Variants in NOTCH2 observed in about 807,000 individuals in gnomAD.
NOTCH2 encodes neurogenic locus notch homolog protein 2.
In NOTCH2, 29 loss-of-function variants were observed where a neutral mutation model predicts 235.8. That is an observed-to-expected ratio of 0.12 (90% confidence interval 0.09 to 0.17). The LOEUF (loss-of-function observed/expected upper bound fraction) is 0.17, where lower values mean the gene tolerates loss of function less well. Ranked by LOEUF, NOTCH2 falls within the 10% of genes least tolerant of loss-of-function variation. The probability of loss-of-function intolerance (pLI) is 1.00; values close to 1 mark genes in which losing one functional copy is unlikely to be tolerated. For synonymous variants in NOTCH2, 1,086 were observed against 1,141.5 expected, an observed-to-expected ratio of 0.95 and a Z score of 0.98; for missense variants, 2,285 against 3,150.2, an observed-to-expected ratio of 0.73 and a Z score of 6.57.
chr1:119,920,465 C>T (rs1649245249), intron 29 of NOTCH2, 68 bp from the exon 30 acceptor site: 8 of 1,540,272 alleles, frequency 5.2e-6, no homozygotes, highest in Admixed American at 3.3e-5. Context: ...AGAAGGTGTC[C>T]AGAGCCTCCA....
At chr1:119,953,470 A>C (rs1382210348) in intron 14 of NOTCH2, 73 bp downstream of exon 14, 15 of 1,493,568 alleles carry the variant, frequency 1.0e-5, no homozygotes, top group Non-Finnish European at 1.3e-5. Flanking sequence ...AAGGAAACTA[A>C]GAAGTGAGTC....
intron 1 of NOTCH2, among the ~76,000 whole-genome samples, chr1:120,038,221 T>C (rs1339771720): frequency 2.6e-5 from 4 of 152,184 alleles, no homozygotes; most frequent in African/African-American, 9.7e-5. Context: ...CTCTTCTACA[T>C]GAAATATAAG....
chr1:120,009,763 CTCTG>C (rs1424105354), intron 2 of NOTCH2, among the ~76,000 whole-genome samples: 8 of 149,688 alleles, frequency 5.3e-5, no homozygotes, highest in African/African-American at 2.0e-4. Flanking sequence ...CTATGACTCC[CTCTG>C]TCTAACTCAA....
intron 2 of NOTCH2, among the ~76,000 whole-genome samples, chr1:120,028,630 A>G (rs2101324848): frequency 7.1e-6 from 1 of 139,982 alleles, no homozygotes; most frequent in African/African-American, 2.7e-5. Flanking sequence ...AATCTTGTTT[A>G]TAACATTAAA....
chr1:119,932,435 A>G (rs1352866709), intron 22 of NOTCH2, among the ~76,000 whole-genome samples: 1 of 152,100 alleles, frequency 6.6e-6, no homozygotes, highest in African/African-American at 2.4e-5. Flanking sequence ...TAAAAATACA[A>G]AATCAGCCAG....
intron 9 of NOTCH2, among the ~76,000 whole-genome samples, chr1:119,965,994 G>A (rs1651120161): frequency 6.6e-6 from 1 of 152,200 alleles, no homozygotes; most frequent in Admixed American, 6.5e-5. Context: ...TGTGTTGTCT[G>A]TTTCTGAACT....
intron 5 of NOTCH2, among the ~76,000 whole-genome samples, chr1:119,981,498 G>C (rs1437510909): frequency 6.6e-6 from 1 of 152,070 alleles, no homozygotes; most frequent in African/African-American, 2.4e-5. Context: ...ACTAACAACC[G>C]TTCCATGGGG....
At chr1:119,955,762 AG>A (rs1650670251) in intron 12 of NOTCH2, among the ~76,000 whole-genome samples, 1 of 133,434 alleles carries the variant, frequency 7.5e-6, no homozygotes, top group Non-Finnish European at 1.5e-5. Context: ...TTTCATTCTT[AG>A]AGTCTATTAA....
chr1:119,942,709 A>G (rs1429695830), intron 17 of NOTCH2, among the ~76,000 whole-genome samples: 3 of 152,206 alleles, frequency 2.0e-5, no homozygotes, highest in African/African-American at 7.2e-5. Context: ...GTCCCACTTC[A>G]TACAGAAAAA....
At chr1:119,972,139 G>A (rs1202294371) in intron 5 of NOTCH2, among the ~76,000 whole-genome samples, 2 of 151,214 alleles carry the variant, frequency 1.3e-5, no homozygotes, top group South Asian at 2.1e-4. Flanking sequence ...GTAAGAAAGG[G>A]AGGGAGGGAG....
Position 120,060,742 on chromosome 1 carries a change from A to G in NOTCH2, c.73+8592T>C, listed in dbSNP as rs1217598514. Among the ~76,000 whole-genome samples, 4 of 150,832 alleles carry G rather than the reference A, an allele frequency of 2.7e-5. No homozygotes were observed. In the East Asian group the frequency reaches 7.8e-4, roughly 29 times the overall value. On this transcript the variant is annotated intron_variant, in intron 1 of 33. Transcript: ENST00000256646. Reference sequence around the variant, plus strand: ...CTGTTGCTACGTAAACCTACCTTAAACTGTTTCAATGTTTGTTTTTAGTTA... The same window carrying G: ...CTGTTGCTACGTAAACCTACCTTAAGCTGTTTCAATGTTTGTTTTTAGTTA...
chr1:119,924,448 T>C (rs1417154584), intron 25 of NOTCH2, among the ~76,000 whole-genome samples: 3 of 152,206 alleles, frequency 2.0e-5, no homozygotes, highest in Admixed American at 6.5e-5. Flanking sequence ...ATGACCCATT[T>C]CTTTCCCTTT....
intron 14 of NOTCH2, among the ~76,000 whole-genome samples, chr1:119,952,126 C>T (rs587708935): frequency 7.2e-5 from 11 of 152,282 alleles, no homozygotes; most frequent in Admixed American, 3.3e-4. Context: ...TTTACCCACA[C>T]GGCTCTCTTT....
intron 11 of NOTCH2, 141 bp downstream of exon 11, chr1:119,963,433 G>A: frequency 1.2e-6 from 1 of 822,702 alleles, no homozygotes; most frequent in Non-Finnish European, 2.1e-6. Flanking sequence ...AGACATTTAT[G>A]TTTGTGGCTT....
intron 19 of NOTCH2, among the ~76,000 whole-genome samples, chr1:119,940,172 T>A (rs1433200663): frequency 1.3e-5 from 2 of 152,246 alleles, no homozygotes; most frequent in Non-Finnish European, 2.9e-5. Flanking sequence ...ACAATTATCA[T>A]TATTAAACAC....
chr1:119,947,621 C>T (rs78241655), intron 17 of NOTCH2, among the ~76,000 whole-genome samples: 1 of 152,150 alleles, frequency 6.6e-6, no homozygotes, highest in East Asian at 1.9e-4. Context: ...GTGAAACATA[C>T]ACTTACGACA....
chr1:119,918,825 TCA>T (rs1480505168), intron 31 of NOTCH2, among the ~76,000 whole-genome samples: 1 of 152,206 alleles, frequency 6.6e-6, no homozygotes, highest in Non-Finnish European at 1.5e-5. Flanking sequence ...TGGGGAAATA[TCA>T]CAACTTCAGT....
intron 2 of NOTCH2, among the ~76,000 whole-genome samples, chr1:120,028,372 T>C (rs1653953113): frequency 6.7e-6 from 1 of 149,160 alleles, no homozygotes; most frequent in African/African-American, 2.5e-5. Context: ...AGTGGCCTAC[T>C]CTAAGGTATT....
At chr1:119,948,274 C>T (rs1454825270) in intron 17 of NOTCH2, 140 bp downstream of exon 17, 4 of 856,416 alleles carry the variant, frequency 4.7e-6, no homozygotes, top group Non-Finnish European at 7.7e-6. Context: ...AGAGTTAAAA[C>T]ACTACTGTTA....
Sources: gnomAD v4.1 joint callset for allele counts (sites outside exome capture counted in the v4.1 genomes callset) on GRCh38, gnomAD v4.1.1 for gene constraint, MANE v1.5 for transcripts, NCBI Gene and HGNC (gene_info 2026-07-23, HGNC 2026-07-21) for gene names.